The following GALNT5 variants were observed in gnomAD, a reference collection of about 807,000 sequenced individuals.
GALNT5 encodes the protein polypeptide N-acetylgalactosaminyltransferase 5.
Under a neutral mutation model 85.4 loss-of-function variants are expected in GALNT5, and 72 were observed. That is an observed-to-expected ratio of 0.84 (90% CI 0.70 to 1.03). GALNT5 has a LOEUF of 1.03. GALNT5 is among the 50% of genes least tolerant of loss of function. The pLI, the probability that GALNT5 is intolerant of heterozygous loss-of-function variation, is 0.00. For synonymous variants in GALNT5, 404 were observed against 397.0 expected (o/e 1.02, Z -0.21); for missense variants, 1,137 against 1,135.5 (o/e 1.00, Z -0.02).
In GALNT5 at chr2:157,259,380, G is replaced by A; in HGVS notation, c.1298G>A (p.Arg433Lys). The change falls in exon 1 of 10, where the codon AGG becomes AAG. Residue 433 changes from arginine (R) to lysine (K), a missense_variant. Physicochemically the swap from Arg to Lys is conservative, Grantham distance 26 (BLOSUM62 2). Transcript: ENST00000259056. ...AGAATTGATGTGACACTTTCTCCAA[G>A]GGACCCCAAAGCTCCAGGGCAGTTT... ...VLRIDVTLSP[R>K]DPKAPGQFGR... 6.0e-6 allele frequency: 9 copies of A among 1,509,670 alleles called. No homozygotes were observed. The highest frequency in any genetic ancestry group is 1.4e-5 in the South Asian group (1 of 71,388). The allele number at this position is 1,509,670 out of a possible 1,614,324, so 93.5% of individuals were successfully genotyped here. A position where few individuals can be genotyped will look rare whatever the true frequency, so the allele number is the denominator to read the frequency against.
At chr2:157,282,583 C>T (rs1682879094) in intron 1 of GALNT5, among the ~76,000 whole-genome samples, 1 of 152,082 alleles carries the variant, frequency 6.6e-6, no homozygotes. Flanking sequence ...ATGAGTTTTA[C>T]ATAATGTTTA....
In GALNT5 at chr2:157,268,176, C is replaced by T. The variant is rs16841458; in HGVS notation, c.1454+8640C>T. ...GACCCACATAGTACATCTTGACTGT[C>T]TCGGAATAAAATGAAAAATTCATAG... On this transcript the variant is annotated intron_variant, in intron 1 of 9. Coordinates refer to ENST00000259056, the MANE Select transcript of GALNT5 (RefSeq NM_014568.3). Among the ~76,000 whole-genome samples, 338 of 152,244 alleles carry T rather than the reference C, an allele frequency of 2.2e-3. 1 individual carries two copies. Among genetic ancestry groups the T allele is most frequent in the African/African-American group, 7.7e-3 (319 of 41,540 alleles).
chr2:157,286,272 T>G, intron 3 of GALNT5, 138 bp downstream of exon 3: 2 of 675,744 alleles, frequency 3.0e-6, no homozygotes, highest in East Asian at 5.5e-5. Context: ...TTAAACAGTT[T>G]TTATAATATG....
intron 5 of GALNT5, among the ~76,000 whole-genome samples, chr2:157,297,554 T>C (rs1000910154): frequency 1.3e-5 from 2 of 152,248 alleles, no homozygotes; most frequent in African/African-American, 4.8e-5. Context: ...GAACCTCTGC[T>C]CTTTCCATAC....
Position 157,311,261 on chromosome 2 carries a change from T to A in GALNT5, c.2736T>A (p.Asn912Lys). The change falls in exon 10 of 10, where the codon AAT becomes AAA. Residue 912 changes from asparagine to lysine, a missense_variant. Asn to Lys is a moderately conservative substitution (Grantham distance 94). Transcript: ENST00000259056. The stretch of plus-strand genomic sequence containing the variant: ...AGCAATTATTATGCTTGGAAGGAAA[T>A]TTTTCTCAAAAGATCCTGAAAGTAG... ...NNQQLLCLEG[N>K]FSQKILKVAA... is the part of the protein sequence containing the mutation. 6.2e-7 allele frequency: 1 copy of A among 1,610,666 alleles called. No individual in the cohort carries two copies. Among genetic ancestry groups the A allele is most frequent in the Non-Finnish European group, 8.5e-7 (1 of 1,177,492 alleles).
intron 5 of GALNT5, 29 bp from the exon 6 acceptor site, chr2:157,299,519 G>A (rs1683293599): frequency 1.5e-6 from 2 of 1,376,298 alleles, no homozygotes; most frequent in Non-Finnish European, 2.1e-6. Flanking sequence ...TGAGATGCAA[G>A]TTTAAAAAAC....
intron 3 of GALNT5, among the ~76,000 whole-genome samples, chr2:157,294,361 G>T (rs980156911): frequency 6.6e-6 from 1 of 152,128 alleles, no homozygotes; most frequent in Non-Finnish European, 1.5e-5. Flanking sequence ...AGCACAAAAG[G>T]CTCCTTCTGT....
rs1683615196 is a variant in GALNT5 at position 157,313,217 on chromosome 2, T to C, written c.*1869T>C. On this transcript the variant is annotated 3_prime_UTR_variant, in exon 10 of 10. Coordinates refer to ENST00000259056, the MANE Select transcript of GALNT5 (RefSeq NM_014568.3). ...ATGGTATCTTTAGTGTGCTTTTCTA[T>C]GTTTAGACACACAAATACTCACCAT... 6.6e-6 allele frequency: 1 copy of C among 152,194 alleles called. No individual in the cohort carries two copies. The allele number at this position is 152,194 out of a possible 1,614,324, so 9.4% of individuals were successfully genotyped here.
intron 3 of GALNT5, among the ~76,000 whole-genome samples, chr2:157,287,505 G>GT (rs1394374845): frequency 6.6e-6 from 1 of 151,526 alleles, no homozygotes; most frequent in African/African-American, 2.4e-5. Context: ...CATTATTCTT[G>GT]TTGGTGTTCA....
At chr2:157,290,099 A>ATG (rs1683064758) in intron 3 of GALNT5, among the ~76,000 whole-genome samples, 1 of 137,534 alleles carries the variant, frequency 7.3e-6, no homozygotes, top group African/African-American at 3.1e-5. Flanking sequence ...ATATATATAT[A>ATG]TATATATATA....
At chr2:157,310,975 C>T (rs1434662261) in intron 9 of GALNT5, among the ~76,000 whole-genome samples, 1 of 152,028 alleles carries the variant, frequency 6.6e-6, no homozygotes, top group East Asian at 1.9e-4. Flanking sequence ...TTTCTTTTGC[C>T]TCCTGAGGAC....
chr2:157,275,854 CTA>C (rs1682712080), intron 1 of GALNT5, among the ~76,000 whole-genome samples: 3 of 151,942 alleles, frequency 2.0e-5, no homozygotes, highest in Admixed American at 2.0e-4. Context: ...CATTTCAACA[CTA>C]TGTTGAATAG....
chr2:157,277,278 C>T (rs180985902), intron 1 of GALNT5, among the ~76,000 whole-genome samples: 4 of 152,242 alleles, frequency 2.6e-5, no homozygotes, highest in Admixed American at 2.0e-4. Context: ...CGATGTGGTG[C>T]TAAGAAGAAT....
intron 1 of GALNT5, among the ~76,000 whole-genome samples, chr2:157,261,717 C>T (rs1682343889): frequency 6.6e-6 from 1 of 152,126 alleles, no homozygotes; most frequent in Non-Finnish European, 1.5e-5. Context: ...AACACCTTGA[C>T]TATAAATATG....
chr2:157,285,556 G>C (rs1320213138), intron 2 of GALNT5, among the ~76,000 whole-genome samples: 5 of 152,154 alleles, frequency 3.3e-5, no homozygotes, highest in Non-Finnish European at 1.5e-5. Flanking sequence ...TCTAATAAGA[G>C]AGAAAAGGTG....
intron 1 of GALNT5, among the ~76,000 whole-genome samples, chr2:157,259,836 T>C (rs1057249272): frequency 1.3e-5 from 2 of 152,230 alleles, no homozygotes; most frequent in Admixed American, 6.5e-5. Flanking sequence ...ATAACGTGTA[T>C]ATAAATGGTA....
intron 3 of GALNT5, among the ~76,000 whole-genome samples, chr2:157,291,552 G>T (rs1683097795): frequency 6.6e-6 from 1 of 151,966 alleles, no homozygotes; most frequent in Non-Finnish European, 1.5e-5. Context: ...TTCCAGGCTG[G>T]TACACTGGAT....
chr2:157,274,527 T>C (rs940134389), intron 1 of GALNT5, among the ~76,000 whole-genome samples: 1 of 152,232 alleles, frequency 6.6e-6, no homozygotes, highest in Non-Finnish European at 1.5e-5. Context: ...CCATTCTAAC[T>C]GGTGTGAGAT....
In GALNT5 at chr2:157,312,438, T is replaced by A. The variant is rs914883250; in HGVS notation, c.*1090T>A. The A allele has an allele frequency of 1.3e-5, 2 of 151,348 alleles. No homozygotes were observed. Among genetic ancestry groups the A allele is most frequent in the Non-Finnish European group, 2.9e-5 (2 of 67,884 alleles). The allele number at this position is 151,348 out of a possible 1,614,324, so 9.4% of individuals were successfully genotyped here. ...AGTTAAGAAAAAATTCCGCTGGACT[T>A]GGCCAAAGAAAGAAGGGGATCTAGT... On this transcript the variant is annotated 3_prime_UTR_variant, in exon 10 of 10. Transcript: ENST00000259056.
Sources: gnomAD v4.1 joint callset for allele counts (sites outside exome capture counted in the v4.1 genomes callset) on GRCh38, gnomAD v4.1.1 for gene constraint, MANE v1.5 for transcripts, NCBI Gene and HGNC (gene_info 2026-07-23, HGNC 2026-07-21) for gene names.